ARL10: variants seen among roughly 807,000 people sequenced by gnomAD.
ARL10 encodes ARF like GTPase 10, also known as ADP-ribosylation factor-like protein 10.
ARL10 carries 23 observed loss-of-function variants against 26.1 expected under a neutral mutation model. The observed-to-expected ratio is 0.88, with a 90% CI of 0.63 to 1.25. The LOEUF (loss-of-function observed/expected upper bound fraction) is 1.25. Ranked by LOEUF, ARL10 falls within the 50% of genes most tolerant of loss-of-function variation. ARL10 has a pLI of 0.00. For missense variants in ARL10, 300 were observed against 323.6 expected (o/e 0.93, Z 0.56); for synonymous variants, 138 against 149.1 (o/e 0.93, Z 0.54).
intron 1 of ARL10, chr5:176,397,766 C>G (rs1345102195): frequency 6.3e-7 from 1 of 1,574,830 alleles, no homozygotes; most frequent in Non-Finnish European, 8.7e-7. Context: ...CTGGGATGCA[C>G]AGGCCCGGCC....
downstream of ARL10, chr5:176,386,098 T>TCAATATCCTTTAC (rs1304635525): frequency 6.5e-6 from 1 of 153,078 alleles, no homozygotes; most frequent in Non-Finnish European, 1.5e-5. Context: ...TAGGGACCTG[T>TCAATATCCTTTAC]TGCACAACAA....
At chr5:176,370,273 G>T (rs1671889557) in intron 3 of ARL10, among the ~76,000 whole-genome samples, 1 of 152,188 alleles carries the variant, frequency 6.6e-6, no homozygotes, top group African/African-American at 2.4e-5. Flanking sequence ...ATTCTTCAAA[G>T]TTCCTCCTCT....
chr5:176,398,079 C>A (rs1392744258), intron 1 of ARL10: 4 of 1,588,740 alleles, frequency 2.5e-6, no homozygotes, highest in Non-Finnish European at 3.5e-6. Flanking sequence ...GTCTATCCAG[C>A]CAGCACACCT....
downstream of ARL10, among the ~76,000 whole-genome samples, chr5:176,402,441 A>G (rs576386843): frequency 1.3e-5 from 2 of 152,336 alleles, no homozygotes; most frequent in Admixed American, 1.3e-4. Flanking sequence ...CCTTCATGCA[A>G]GCTCATCTTG....
downstream of ARL10, chr5:176,384,232 C>T (rs1065206): frequency 0.064 from 102,725 of 1,614,118 alleles, 3,845 homozygotes; most frequent in African/African-American, 0.13. Flanking sequence ...GTAAACCAGT[C>T]ACTCCACCTC....
At chr5:176,398,038 C>A (rs774270072) in intron 1 of ARL10, 1 of 1,613,876 alleles carries the variant, frequency 6.2e-7, no homozygotes, top group Non-Finnish European at 8.5e-7. Flanking sequence ...TCAGCAGGAC[C>A]GTTGGCCTCC....
the ARL10 span, chr5:176,410,183 A>C: frequency 1.5e-6 from 2 of 1,292,578 alleles, no homozygotes; most frequent in Non-Finnish European, 2.2e-6. Context: ...CTGTAAGCCT[A>C]CAACAATGAG....
chr5:176,397,997 C>G (rs1333902334), intron 1 of ARL10: 1 of 1,614,118 alleles, frequency 6.2e-7, no homozygotes, highest in East Asian at 2.2e-5. Flanking sequence ...CCTGGGTCAG[C>G]CTGTCAGCCT....
chr5:176,380,350 T>C lies in ARL10; in HGVS notation c.*8455T>C, dbSNP rs1041236433. 3.9e-5 allele frequency: 6 copies of C among 152,232 alleles called. No individual in the cohort carries two copies. Among genetic ancestry groups the C allele is most frequent in the African/African-American group, 1.4e-4 (6 of 41,454 alleles). The allele number at this position is 152,232 out of a possible 1,614,324, so 9.4% of individuals were successfully genotyped here. A position where few individuals can be genotyped will look rare whatever the true frequency, so the allele number is the denominator to read the frequency against. On this transcript the variant is annotated 3_prime_UTR_variant, in exon 4 of 4. Transcript: ENST00000310389. The stretch of plus-strand genomic sequence containing the variant: ...GCGTTTTCGATCCTTTCTTTTCTAA[T>C]GTGTCCCATAAATAAACAGTTTTAT...
chr5:176,389,196 TC>T, downstream of ARL10: 1 of 1,168,106 alleles, frequency 8.6e-7, no homozygotes, highest in South Asian at 1.4e-5. Context: ...TAGGAAGACC[TC>T]GACTCGACCT....
rs117726000 is a variant in ARL10, at chr5:176,372,022, C to T, written c.*127C>T. ...TTCCCTTTTCCCCTCCTTTGCCTTTCAAGAGCAGGGCCTGGGCAAGGCCAA... is the reference window on the plus strand; with the variant it reads ...TTCCCTTTTCCCCTCCTTTGCCTTTTAAGAGCAGGGCCTGGGCAAGGCCAA... On this transcript the variant is annotated 3_prime_UTR_variant, in exon 4 of 4. Transcript: ENST00000310389. 3.2e-4 allele frequency: 475 copies of T among 1,462,750 alleles called. 2 individuals are homozygous for T. In the East Asian group the frequency reaches 0.011, roughly 34 times the overall value. The allele number at this position is 1,462,750 out of a possible 1,614,324, so 90.6% of individuals were successfully genotyped here. A position where few individuals can be genotyped will look rare whatever the true frequency, so the allele number is the denominator to read the frequency against.
intron 1 of ARL10, among the ~76,000 whole-genome samples, chr5:176,397,431 CCTCATGTCCCCACAGCCCGT>C (rs1756584525): frequency 7.0e-6 from 1 of 143,410 alleles, no homozygotes; most frequent in Non-Finnish European, 1.5e-5. Context: ...CCCACAGCTC[CCTCATGTCCCCACAGCCCGT>C]CTCATGTCCC....
the ARL10 span, among the ~76,000 whole-genome samples, chr5:176,408,589 T>C: frequency 6.6e-6 from 1 of 151,196 alleles, no homozygotes; most frequent in East Asian, 1.9e-4. Context: ...AGTGTAATCA[T>C]AGTCACTGCA....
chr5:176,368,626 C>G lies in ARL10; in HGVS notation c.386-181C>G, dbSNP rs191361114. The stretch of plus-strand genomic sequence containing the variant: ...CGGAAACTGCGGTCTTTTCCTTGCC[C>G]CCGGCTGGTGGAAGCTCACTAAGCT... On this transcript the variant is annotated intron_variant, in intron 2 of 3. Coordinates refer to ENST00000310389, the MANE Select transcript of ARL10 (RefSeq NM_173664.6). This position sits in a 1 kb window ranked among gnomAD's most constrained non-coding sequence, Gnocchi z 4.1. Among the ~76,000 whole-genome samples, 367 of 151,672 alleles carry G rather than the reference C, an allele frequency of 2.4e-3. 3 individuals carry two copies. Among genetic ancestry groups the G allele is most frequent in the African/African-American group, 7.9e-3 (325 of 41,290 alleles).
At chr5:176,403,137 C>T (rs536143286), downstream of ARL10, among the ~76,000 whole-genome samples, 28 of 150,094 alleles carry the variant, frequency 1.9e-4, no homozygotes, top group East Asian at 3.6e-3. Context: ...GCAACCTTGG[C>T]CTCCTGGGTT....
At chr5:176,389,467 G>A (rs369990075), downstream of ARL10, 5 of 1,614,058 alleles carry the variant, frequency 3.1e-6, no homozygotes, top group Non-Finnish European at 4.2e-6. Flanking sequence ...TGCTGGGTCT[G>A]GCTGTCACTG....
chr5:176,401,031 C>G (rs925676685), intron 1 of ARL10, among the ~76,000 whole-genome samples: 1 of 152,194 alleles, frequency 6.6e-6, no homozygotes, highest in Non-Finnish European at 1.5e-5. Context: ...GGCAGCTGGG[C>G]GCCACCCTTA....
Position 176,397,798 on chromosome 5 carries a change from C to G in ARL10, c.134-3943C>G, listed in dbSNP as rs994928855. On this transcript the variant is annotated intron_variant, in intron 1 of 1. Transcript: ENST00000514533. ...GGCCGCGCTCCTCCCCTGGCCCCTG[C>G]CAGGCAGCCACAGGGCCGCACCGGC... The G allele has an allele frequency of 2.0e-6, 3 of 1,522,866 alleles. No homozygotes were observed. In the African/African-American group the frequency reaches 4.1e-5, roughly 21 times the overall value. The allele number at this position is 1,522,866 out of a possible 1,614,324, so 94.3% of individuals were successfully genotyped here.
At chr5:176,385,356 G>C, downstream of ARL10, 2 of 1,313,530 alleles carry the variant, frequency 1.5e-6, no homozygotes, top group East Asian at 2.3e-5. Flanking sequence ...CGGGGAGACA[G>C]GGAATGAGGC....
Sources: allele counts gnomAD v4.1 joint callset (sites outside exome capture counted in the v4.1 genomes callset), GRCh38; gene constraint gnomAD v4.1.1; non-coding constraint Gnocchi (gnomAD v3.1); transcripts MANE v1.5; gene names NCBI Gene and HGNC (gene_info 2026-07-23, HGNC 2026-07-21).